TIAM2: variants seen among roughly 807,000 people sequenced by gnomAD.
TIAM2 encodes TIAM Rac1 associated GEF 2, also known as rho guanine nucleotide exchange factor TIAM2.
In TIAM2, 80 loss-of-function variants were observed where a neutral mutation model predicts 152.9. The ratio of observed to expected loss-of-function variants is 0.52; its 90% CI spans 0.44 to 0.63. The LOEUF (loss-of-function observed/expected upper bound fraction) is 0.63, where lower values mean the gene tolerates loss of function less well. TIAM2 is among the 30% of genes least tolerant of loss of function. The pLI is 0.00. For missense variants in TIAM2, 1,965 were observed against 2,120.1 expected (o/e 0.93, Z 1.44); for synonymous variants, 804 against 838.0 (o/e 0.96, Z 0.70).
chr6:155,136,384 C>G (rs1323169486), intron 4 of TIAM2, among the ~76,000 whole-genome samples: 1 of 151,556 alleles, frequency 6.6e-6, no homozygotes, highest in African/African-American at 2.4e-5. Flanking sequence ...AGGTGATTCT[C>G]CTGCCTCAGC....
At chr6:155,216,020 T>G (rs2115227225) in intron 15 of TIAM2, among the ~76,000 whole-genome samples, 1 of 152,154 alleles carries the variant, frequency 6.6e-6, no homozygotes, top group African/African-American at 2.4e-5. Context: ...TGTTGCCCAG[T>G]CTGGTCTCAA....
At chr6:155,144,462 A>G (rs780221467) in intron 5 of TIAM2, 144 bp from the exon 6 acceptor site, 20 of 718,158 alleles carry the variant, frequency 2.8e-5, no homozygotes, top group Non-Finnish European at 4.0e-5. Context: ...TGTACTTCAG[A>G]TGCCACTTTT....
chr6:155,040,459 T>C (rs1419262450), intron 1 of TIAM2, among the ~76,000 whole-genome samples: 2 of 151,848 alleles, frequency 1.3e-5, no homozygotes, highest in Non-Finnish European at 2.9e-5. Flanking sequence ...TAGGCAAGAG[T>C]GGAATCCTGG....
chr6:155,146,883 AGTGCTAGGATTATAGGC>A (rs1210939317), intron 6 of TIAM2, among the ~76,000 whole-genome samples: 8 of 151,018 alleles, frequency 5.3e-5, no homozygotes, highest in Non-Finnish European at 1.2e-4. Context: ...CCTTCCAAAG[AGTGCTAGGATTATAGGC>A]GTGAGCCACC....
intron 15 of TIAM2, among the ~76,000 whole-genome samples, chr6:155,234,691 C>T (rs1013028453): frequency 6.6e-5 from 10 of 152,246 alleles, no homozygotes; most frequent in African/African-American, 2.2e-4. Context: ...AGGCATGAGC[C>T]ACTGTGCCAG....
chr6:155,120,136 A>G (rs1309824623), intron 2 of TIAM2, among the ~76,000 whole-genome samples: 1 of 152,170 alleles, frequency 6.6e-6, no homozygotes, highest in Non-Finnish European at 1.5e-5. Context: ...AAGCTGAGCT[A>G]TTGTCTCTGT....
intron 15 of TIAM2, among the ~76,000 whole-genome samples, chr6:155,223,774 G>C (rs1165010280): frequency 6.6e-6 from 1 of 152,056 alleles, no homozygotes; most frequent in African/African-American, 2.4e-5. Context: ...TTTATGCTCA[G>C]CGTAAGGGAC....
intron 1 of TIAM2, among the ~76,000 whole-genome samples, chr6:155,082,094 A>G (rs1156586032): frequency 6.6e-6 from 1 of 152,200 alleles, no homozygotes; most frequent in Non-Finnish European, 1.5e-5. Context: ...CTGTAATCCC[A>G]GCACTTTGGG....
chr6:155,131,673 G>A (rs910329305), intron 4 of TIAM2, among the ~76,000 whole-genome samples: 16 of 151,352 alleles, frequency 1.1e-4, no homozygotes, highest in South Asian at 8.4e-4. Context: ...TCTGCCTCCC[G>A]TGTCCAAGCG....
intron 1 of TIAM2, among the ~76,000 whole-genome samples, chr6:155,084,209 G>C (rs1390633568): frequency 1.3e-5 from 2 of 152,116 alleles, no homozygotes; most frequent in African/African-American, 2.4e-5. Context: ...GGGCCACTCT[G>C]GTGGGGTAGG....
intron 14 of TIAM2, among the ~76,000 whole-genome samples, chr6:155,200,386 G>A (rs1182043167): frequency 6.6e-6 from 1 of 152,058 alleles, no homozygotes; most frequent in Non-Finnish European, 1.5e-5. Flanking sequence ...ACCCTCTTAT[G>A]GTGGAGTTTT....
chr6:155,032,438 T>G (rs1208546940), intron 1 of TIAM2, among the ~76,000 whole-genome samples: 3 of 152,198 alleles, frequency 2.0e-5, no homozygotes, highest in Non-Finnish European at 2.9e-5. Flanking sequence ...AACGGGGAAT[T>G]GAGGCATCTG....
At chr6:155,215,373 A>C (rs1562356583) in intron 15 of TIAM2, among the ~76,000 whole-genome samples, 1 of 152,212 alleles carries the variant, frequency 6.6e-6, no homozygotes, top group Non-Finnish European at 1.5e-5. Flanking sequence ...TGGAGAAAGG[A>C]GAAAGCAAAT....
At chr6:155,024,738 AT>A (rs1776565286) in intron 1 of TIAM2, among the ~76,000 whole-genome samples, 1 of 151,274 alleles carries the variant, frequency 6.6e-6, no homozygotes, top group African/African-American at 2.4e-5. Context: ...AAAGGATTTC[AT>A]TTTACTGAGC....
Position 155,251,958 on chromosome 6 carries a change from C to T in TIAM2, c.4074C>T (p.Ala1358=), listed in dbSNP as rs371371538. The T allele has an allele frequency of 2.6e-5, 41 of 1,603,050 alleles. No individual in the cohort carries two copies. The highest frequency in any genetic ancestry group is 3.3e-5 in the Non-Finnish European group (39 of 1,176,440). Residue 1358 remains alanine (A), a synonymous_variant, in exon 23 of 27, where the codon GCC becomes GCT. Coordinates refer to ENST00000682666, the MANE Select transcript of TIAM2 (RefSeq NM_012454.4). Reference sequence around the variant, plus strand: ...TCCTTTCTTTAGTTTTTAAGAGAGCCGTCATACTGGTTTATAAAGAAAACT... The same window carrying T: ...TCCTTTCTTTAGTTTTTAAGAGAGCTGTCATACTGGTTTATAAAGAAAACT... The part of the protein sequence containing the change: ...LELTVFVFKR[A]VILVYKENCK...
chr6:155,066,002 G>A (rs1371093926), intron 1 of TIAM2, among the ~76,000 whole-genome samples: 1 of 152,138 alleles, frequency 6.6e-6, no homozygotes, highest in Admixed American at 6.6e-5. Context: ...CATACCTGAA[G>A]GGCCTGCTTT....
chr6:155,244,016 GA>G lies in TIAM2; in HGVS notation c.3355del (p.Ser1119AlafsTer56), dbSNP rs1783188508. On this transcript the variant is annotated frameshift_variant, in exon 17 of 27. Transcript: ENST00000682666. LOFTEE classifies it high-confidence loss of function. ...TTTCTTCTATTTTCTTTCAGGATTT[GA>G]GCTGCCTCTTTGAATTATACTTGGA... ...DTEKSYVKDL[S>X]CLFELYLEPL... 6.2e-7 allele frequency: 1 copy of G among 1,613,930 alleles called. No homozygotes were observed. The highest frequency in any genetic ancestry group is 1.7e-5 in the Admixed American group (1 of 59,984).
chr6:155,024,536 A>G (rs1222027221), intron 1 of TIAM2, among the ~76,000 whole-genome samples: 2 of 151,832 alleles, frequency 1.3e-5, no homozygotes, highest in Non-Finnish European at 2.9e-5. Context: ...AGAAGATCCT[A>G]TTCCTAAATC....
In TIAM2 at chr6:155,256,785, T is replaced by A. The variant is rs1162284853; in HGVS notation, c.4770T>A (p.Ile1590=). The A allele has an allele frequency of 6.2e-7, 1 of 1,614,116 alleles. No homozygotes were observed. Among genetic ancestry groups the A allele is most frequent in the Non-Finnish European group, 8.5e-7 (1 of 1,180,026 alleles). The change falls in exon 27 of 27, where the codon ATT becomes ATA. Residue 1590 remains isoleucine, a synonymous_variant. Coordinates refer to ENST00000682666, the MANE Select transcript of TIAM2 (RefSeq NM_012454.4). ...KQGSPTKDIE[I]QFQRLRISED... is the part of the protein sequence containing the mutation. ...GCAGCCCTACTAAAGACATCGAAAT[T>A]CAGTTCCAGAGACTGAGGATTTCCG...
Sources: allele counts gnomAD v4.1 joint callset (sites outside exome capture counted in the v4.1 genomes callset), GRCh38; gene constraint gnomAD v4.1.1; transcripts MANE v1.5; gene names NCBI Gene and HGNC (gene_info 2026-07-23, HGNC 2026-07-21).